NSL1: variants seen among roughly 807,000 people sequenced by gnomAD.
The protein encoded by NSL1 is kinetochore-associated protein NSL1 homolog.
In NSL1, 11 loss-of-function variants were observed where a neutral mutation model predicts 25.4. The observed-to-expected ratio is 0.43, with a 90% CI of 0.27 to 0.72. NSL1 has a LOEUF of 0.72. NSL1 is among the 30% of genes least tolerant of loss of function. NSL1 has a pLI of 0.19. For missense variants in NSL1, 330 were observed against 342.7 expected, an observed-to-expected ratio of 0.96 and a Z score of 0.29; for synonymous variants, 118 against 120.6, an observed-to-expected ratio of 0.98 and a Z score of 0.14.
chr1:212,775,396 G>A (rs917361276), intron 4 of NSL1, among the ~76,000 whole-genome samples: 2 of 152,118 alleles, frequency 1.3e-5, no homozygotes, highest in Non-Finnish European at 2.9e-5. Flanking sequence ...GAACTGTATG[G>A]TATATGAATT....
chr1:212,764,876 G>GA (rs1659733509), intron 4 of NSL1, among the ~76,000 whole-genome samples: 1 of 85,578 alleles, frequency 1.2e-5, no homozygotes, highest in Non-Finnish European at 2.4e-5. Context: ...AAAAAAGAAA[G>GA]AAAGAAAAAA....
At chr1:212,762,243 C>T (rs192378134) in intron 4 of NSL1, among the ~76,000 whole-genome samples, 5 of 146,686 alleles carry the variant, frequency 3.4e-5, no homozygotes, top group East Asian at 2.0e-4. Context: ...GGTTGCGGTG[C>T]GCCAAGATCG....
chr1:212,769,271 C>T (rs1209184996), intron 4 of NSL1, among the ~76,000 whole-genome samples: 3 of 152,068 alleles, frequency 2.0e-5, no homozygotes, highest in African/African-American at 4.8e-5. Flanking sequence ...GCTCAAAATT[C>T]TGCAAATAGA....
At chr1:212,745,287 A>G (rs1445473479) in intron 4 of NSL1, among the ~76,000 whole-genome samples, 2 of 151,804 alleles carry the variant, frequency 1.3e-5, no homozygotes, top group Non-Finnish European at 2.9e-5. Flanking sequence ...ATAATGGCCA[A>G]TAACTTCCCA....
intron 4 of NSL1, among the ~76,000 whole-genome samples, chr1:212,741,940 T>C (rs1658524377): frequency 6.6e-6 from 1 of 152,176 alleles, no homozygotes; most frequent in Non-Finnish European, 1.5e-5. Context: ...CCTGCCTTGC[T>C]ACAGGCTCCC....
At chr1:212,765,799 T>C (rs961120136) in intron 4 of NSL1, among the ~76,000 whole-genome samples, 8 of 150,264 alleles carry the variant, frequency 5.3e-5, no homozygotes, top group African/African-American at 1.7e-4. Context: ...AGTCAGGCTC[T>C]GTCTTTAAAA....
intron 4 of NSL1, among the ~76,000 whole-genome samples, chr1:212,762,648 G>C (rs973056453): frequency 6.6e-6 from 1 of 152,174 alleles, no homozygotes; most frequent in African/African-American, 2.4e-5. Flanking sequence ...TGTAAGCAGG[G>C]GAATGAGCCT....
At chr1:212,751,814 T>C (rs1048604581) in intron 4 of NSL1, among the ~76,000 whole-genome samples, 1 of 152,182 alleles carries the variant, frequency 6.6e-6, no homozygotes, top group Non-Finnish European at 1.5e-5. Context: ...TCCAACAATA[T>C]CTGCTTAGGA....
chr1:212,745,157 A>T (rs1262103878), intron 4 of NSL1, among the ~76,000 whole-genome samples: 8 of 98,002 alleles, frequency 8.2e-5, no homozygotes, highest in East Asian at 2.9e-4. Context: ...ACAAACAAAC[A>T]AACTATATAT....
chr1:212,790,230 T>C (rs1041776034), intron 1 of NSL1, among the ~76,000 whole-genome samples: 3 of 152,276 alleles, frequency 2.0e-5, no homozygotes, highest in South Asian at 4.1e-4. Flanking sequence ...GGTTTCACCA[T>C]GTTAGCCAGG....
intron 4 of NSL1, among the ~76,000 whole-genome samples, chr1:212,775,334 G>A (rs1323136873): frequency 1.3e-5 from 2 of 152,088 alleles, no homozygotes; most frequent in Admixed American, 6.5e-5. Flanking sequence ...TCATGATGTT[G>A]CATAACTCTG....
At chr1:212,781,049 T>C (rs1660711184) in intron 4 of NSL1, among the ~76,000 whole-genome samples, 1 of 152,184 alleles carries the variant, frequency 6.6e-6, no homozygotes, top group Non-Finnish European at 1.5e-5. Flanking sequence ...CTAATTTTGC[T>C]CTCCTTAAGG....
At chr1:212,765,739 G>A (rs112842199) in intron 4 of NSL1, among the ~76,000 whole-genome samples, 3,463 of 152,152 alleles carry the variant, frequency 0.023, 61 homozygotes, top group South Asian at 0.041. Context: ...CTGGAAAGTG[G>A]AGGCTGCAGT....
chr1:212,745,167 T>C (rs1326181267), intron 4 of NSL1, among the ~76,000 whole-genome samples: 5 of 21,414 alleles, frequency 2.3e-4, no homozygotes, highest in Non-Finnish European at 6.7e-4. Context: ...AAACTATATA[T>C]ATATATATAT....
In NSL1 at chr1:212,744,730, G is replaced by C. The variant is rs1406245702; in HGVS notation, c.500-5129C>G. ...TATAATAACTGAAATGAAAAACTCA[G>C]AGGGGAGACGGTGAGTGTTCAACAG... is the stretch of plus-strand genomic sequence containing the variant. On this transcript the variant is annotated intron_variant, in intron 4 of 5. Transcript: ENST00000366977. Among the ~76,000 whole-genome samples, 3 of 152,294 alleles carry C rather than the reference G, an allele frequency of 2.0e-5. No individual in the cohort carries two copies. In the East Asian group the frequency reaches 5.8e-4, roughly 29 times the overall value.
chr1:212,763,208 A>C (rs1382886245), intron 4 of NSL1, among the ~76,000 whole-genome samples: 1 of 152,210 alleles, frequency 6.6e-6, no homozygotes, highest in African/African-American at 2.4e-5. Flanking sequence ...GAACTCTTCT[A>C]TGCAGCAGAT....
chr1:212,749,748 T>C (rs946400690), intron 4 of NSL1, among the ~76,000 whole-genome samples: 9 of 152,052 alleles, frequency 5.9e-5, no homozygotes, highest in African/African-American at 2.2e-4. Context: ...AAACTCACAT[T>C]GCTGAACAAC....
At chr1:212,775,006 T>C (rs1263711153) in intron 4 of NSL1, among the ~76,000 whole-genome samples, 1 of 152,232 alleles carries the variant, frequency 6.6e-6, no homozygotes, top group Non-Finnish European at 1.5e-5. Context: ...TACTCATGAA[T>C]ATATAAATAT....
intron 4 of NSL1, among the ~76,000 whole-genome samples, chr1:212,754,580 T>G (rs931433451): frequency 4.0e-5 from 6 of 151,750 alleles, no homozygotes; most frequent in Middle Eastern, 6.8e-3. Flanking sequence ...AGTTGGAGAC[T>G]AGCCTGGCCA....
Sources: allele counts gnomAD v4.1 joint callset (sites outside exome capture counted in the v4.1 genomes callset), GRCh38; gene constraint gnomAD v4.1.1; transcripts MANE v1.5; gene names NCBI Gene and HGNC (gene_info 2026-07-23, HGNC 2026-07-21).